Variants in IL2RB observed in about 807,000 individuals in gnomAD.
The protein encoded by IL2RB is interleukin 2 receptor subunit beta.
In IL2RB, 17 loss-of-function variants were observed where a neutral mutation model predicts 44.2. The ratio of observed to expected loss-of-function variants is 0.38; its 90% CI spans 0.26 to 0.58. The LOEUF is 0.58. Ranked by LOEUF, IL2RB falls within the 20% of genes least tolerant of loss-of-function variation. IL2RB has a pLI of 0.63. For missense variants in IL2RB, 624 were observed against 685.5 expected (o/e 0.91, Z 1.00); for synonymous variants, 286 against 297.9 (o/e 0.96, Z 0.41).
intron 1 of IL2RB, among the ~76,000 whole-genome samples, chr22:37,166,580 C>T (rs1923087682): frequency 6.6e-6 from 1 of 152,196 alleles, no homozygotes; most frequent in African/African-American, 2.4e-5. Flanking sequence ...ATCTGGACTG[C>T]CCAACTACTT....
At chr22:37,139,695 C>T (rs1376661329) in intron 4 of IL2RB, among the ~76,000 whole-genome samples, 1 of 152,188 alleles carries the variant, frequency 6.6e-6, no homozygotes, top group Admixed American at 6.5e-5. Context: ...GTGAAAGGCC[C>T]TCCCCTCCCC....
chr22:37,131,775 C>T (rs1232190770), intron 9 of IL2RB, among the ~76,000 whole-genome samples: 8 of 150,880 alleles, frequency 5.3e-5, no homozygotes, highest in African/African-American at 1.2e-4. Flanking sequence ...CTCACTCTGT[C>T]GCCCAGGCTG....
Position 37,130,116 on chromosome 22 carries a change from T to G in IL2RB, c.904-1268A>C, listed in dbSNP as rs142173012. ...TCCGCCCCCTTTCTGCAACCAGGAG[T>G]TATGTCACAAAAGAAAAGGCTGAGA... On this transcript the variant is annotated intron_variant, in intron 9 of 9. Coordinates refer to ENST00000216223, the MANE Select transcript of IL2RB (RefSeq NM_000878.5). Among the ~76,000 whole-genome samples the G allele has an allele frequency of 5.4e-4, 82 of 151,392 alleles. 1 individual carries two copies. Among genetic ancestry groups the G allele is most frequent in the Middle Eastern group, 3.4e-3 (1 of 292 alleles).
intron 8 of IL2RB, among the ~76,000 whole-genome samples, chr22:37,133,955 C>T (rs924772932): frequency 1.3e-5 from 2 of 152,166 alleles, no homozygotes; most frequent in Non-Finnish European, 2.9e-5. Flanking sequence ...CCTCCACACC[C>T]CCCATGGGCT....
At chr22:37,136,652 T>C (rs1390458660) in intron 6 of IL2RB, among the ~76,000 whole-genome samples, 1 of 151,114 alleles carries the variant, frequency 6.6e-6, no homozygotes, top group African/African-American at 2.4e-5. Context: ...TCCCCCTCTC[T>C]CCCCGCCGCA....
chr22:37,145,651 C>T (rs1922188080), intron 1 of IL2RB, among the ~76,000 whole-genome samples: 1 of 151,568 alleles, frequency 6.6e-6, no homozygotes, highest in South Asian at 2.1e-4. Context: ...TTGGAGCAGG[C>T]AAAGGGGGAG....
intron 1 of IL2RB, among the ~76,000 whole-genome samples, chr22:37,156,417 G>C (rs1266360042): frequency 6.6e-6 from 1 of 152,212 alleles, no homozygotes; most frequent in Non-Finnish European, 1.5e-5. Context: ...CATAAAAGAA[G>C]TCCAAAGGGA....
In IL2RB at chr22:37,131,529, C is replaced by T. The variant is rs564536477; in HGVS notation, c.903+855G>A. On this transcript the variant is annotated intron_variant, in intron 9 of 9. Coordinates refer to ENST00000216223, the MANE Select transcript of IL2RB (RefSeq NM_000878.5). Reference sequence around the variant, plus strand: ...TTTAGAGCGTTACTGATCTGCGGGCCGGCACTTTAAAAATGAATCGGTGTT... The same window carrying T: ...TTTAGAGCGTTACTGATCTGCGGGCTGGCACTTTAAAAATGAATCGGTGTT... Among the ~76,000 whole-genome samples the T allele has an allele frequency of 4.6e-5, 7 of 152,288 alleles. No homozygotes were observed. The South Asian group carries it at 8.3e-4, about 18-fold the overall frequency.
chr22:37,129,993 G>C (rs1921342135), intron 9 of IL2RB, among the ~76,000 whole-genome samples: 1 of 152,234 alleles, frequency 6.6e-6, no homozygotes, highest in Non-Finnish European at 1.5e-5. Context: ...CCTCTCCAGG[G>C]AGAGTCCCTG....
At chr22:37,153,747 C>G (rs1444183462), upstream of IL2RB, among the ~76,000 whole-genome samples, 1 of 152,186 alleles carries the variant, frequency 6.6e-6, no homozygotes, top group African/African-American at 2.4e-5. Flanking sequence ...ACGCTTTTCT[C>G]TATAGACCCT....
upstream of IL2RB, among the ~76,000 whole-genome samples, chr22:37,154,892 C>G (rs994208023): frequency 3.3e-5 from 5 of 152,146 alleles, no homozygotes; most frequent in African/African-American, 9.7e-5. Context: ...ATCTCTTTCT[C>G]TCTCTCCCCT....
intron 1 of IL2RB, among the ~76,000 whole-genome samples, chr22:37,170,072 GGGGAGAAGGAAGGAAGA>G (rs1287777048): frequency 0.088 from 322 of 3,668 alleles, 4 homozygotes; most frequent in African/African-American, 0.096. Flanking sequence ...AGGAAGGATG[GGGGAGAAGGAAGGAAGA>G]ATGGATGGAT....
intron 4 of IL2RB, among the ~76,000 whole-genome samples, chr22:37,139,995 T>C (rs571278739): frequency 6.6e-6 from 1 of 152,266 alleles, no homozygotes; most frequent in South Asian, 2.1e-4. Context: ...GGCTGCCGAG[T>C]GAGCAGCTTA....
intron 1 of IL2RB, among the ~76,000 whole-genome samples, chr22:37,157,791 G>A (rs1344886795): frequency 6.6e-6 from 1 of 152,006 alleles, no homozygotes; most frequent in Admixed American, 6.5e-5. Flanking sequence ...GAACAGTGTG[G>A]GATTCATCCA....
At chr22:37,140,400 A>G (rs1921907805) in intron 4 of IL2RB, among the ~76,000 whole-genome samples, 1 of 152,042 alleles carries the variant, frequency 6.6e-6, no homozygotes, top group African/African-American at 2.4e-5. Context: ...GGCACTCTTG[A>G]GAGCACTTTA....
intron 1 of IL2RB, among the ~76,000 whole-genome samples, chr22:37,160,385 G>A (rs1364845537): frequency 1.3e-5 from 2 of 152,200 alleles, no homozygotes; most frequent in Admixed American, 6.5e-5. Flanking sequence ...TGATCACTAA[G>A]GAAGCCTAGT....
intron 1 of IL2RB, among the ~76,000 whole-genome samples, chr22:37,172,382 T>TGC (rs1923320144): frequency 6.6e-6 from 1 of 152,182 alleles, no homozygotes; most frequent in African/African-American, 2.4e-5. Context: ...AGCTCCTGGC[T>TGC]GCGGTCCTGC....
intron 9 of IL2RB, among the ~76,000 whole-genome samples, chr22:37,131,524 C>T (rs191818341): frequency 4.6e-5 from 7 of 152,292 alleles, no homozygotes; most frequent in Admixed American, 2.6e-4. Context: ...TACTGATCTG[C>T]GGGCCGGCAC....
chr22:37,142,894 G>A (rs1388882651), intron 3 of IL2RB: 6 of 365,012 alleles, frequency 1.6e-5, no homozygotes, highest in East Asian at 7.4e-5. Context: ...GCCAGGGCCC[G>A]AACCTGCCTT....
Sources: gnomAD v4.1 joint callset for allele counts (sites outside exome capture counted in the v4.1 genomes callset) on GRCh38, gnomAD v4.1.1 for gene constraint, MANE v1.5 for transcripts, NCBI Gene and HGNC (gene_info 2026-07-23, HGNC 2026-07-21) for gene names.